Variants in RSRP1 observed in about 807,000 individuals in gnomAD.
The protein encoded by RSRP1 is arginine/serine-rich protein 1.
In RSRP1, 37 loss-of-function variants were observed where a neutral mutation model predicts 33.0. The observed-to-expected ratio is 1.12, with a 90% CI of 0.86 to 1.48. RSRP1 has a LOEUF of 1.48. Ranked by LOEUF, RSRP1 falls within the 40% of genes most tolerant of loss-of-function variation. The pLI is 0.00. For missense variants in RSRP1, 402 were observed against 385.3 expected, an observed-to-expected ratio of 1.04 and a Z score of -0.36; for synonymous variants, 167 against 158.7, an observed-to-expected ratio of 1.05 and a Z score of -0.40.
upstream of RSRP1, among the ~76,000 whole-genome samples, chr1:25,251,677 A>G (rs1223342751): frequency 6.6e-6 from 1 of 152,068 alleles, no homozygotes; most frequent in Admixed American, 6.6e-5. Context: ...CTCAAAGTTA[A>G]TATTTTTGTT....
rs72660911 is a variant in RSRP1 at position 25,296,614 on chromosome 1, C to G, written c.-67+41364G>C. On this transcript the variant is annotated intron_variant, in intron 1 of 1. Coordinates refer to the RSRP1 transcript ENST00000561867. ...ATCTCATCTCGAATTGTAATCCCCACGTGTTGAGGGCATGACCTCGTGGGA... is the reference window on the plus strand; with the variant it reads ...ATCTCATCTCGAATTGTAATCCCCAGGTGTTGAGGGCATGACCTCGTGGGA... Among the ~76,000 whole-genome samples, 21 of 131,498 alleles carry G rather than the reference C, an allele frequency of 1.6e-4. 4 individuals are homozygous for G. Among genetic ancestry groups the G allele is most frequent in the African/African-American group, 5.2e-4 (20 of 38,096 alleles). 86.3% of individuals were successfully genotyped at this position (131,498 alleles called of 152,430 possible).
intron 1 of RSRP1, among the ~76,000 whole-genome samples, chr1:25,295,853 T>G (rs1571646087): frequency 2.5e-5 from 1 of 40,240 alleles, no homozygotes; most frequent in Non-Finnish European, 7.9e-5. Flanking sequence ...ATGGGAAATT[T>G]TTTTTTTTTT....
Position 25,275,318 on chromosome 1 carries a change from G to C in RSRP1, c.-66-28289C>G, listed in dbSNP as rs916566986. ...AATAATAGTAATAAATAAAAATAAAGAGGGAAGCAGCGGGTGGCAGACTCA... is the reference window on the plus strand; with the variant it reads ...AATAATAGTAATAAATAAAAATAAACAGGGAAGCAGCGGGTGGCAGACTCA... On this transcript the variant is annotated intron_variant, in intron 1 of 1. Coordinates refer to the RSRP1 transcript ENST00000561867. Among the ~76,000 whole-genome samples, 12 of 131,800 alleles carry C rather than the reference G, an allele frequency of 9.1e-5. 5 individuals carry two copies. Among genetic ancestry groups the C allele is most frequent in the Admixed American group, 1.5e-4 (2 of 13,506 alleles). 86.5% of individuals were successfully genotyped at this position (131,800 alleles called of 152,430 possible).
At chr1:25,260,641 CA>C (rs1395807071) in intron 1 of RSRP1, among the ~76,000 whole-genome samples, 8 of 152,156 alleles carry the variant, frequency 5.3e-5, no homozygotes, top group Non-Finnish European at 1.0e-4. Flanking sequence ...ACTTAAACAA[CA>C]GAAATTTATT....
chr1:25,307,555 T>C (rs1643913340), intron 1 of RSRP1: 1 of 578,596 alleles, frequency 1.7e-6, no homozygotes, highest in African/African-American at 1.9e-5. Context: ...TAGAAACCAT[T>C]ATATGCATTA....
chr1:25,309,438 T>C (rs1190679841), intron 1 of RSRP1, among the ~76,000 whole-genome samples: 1 of 131,924 alleles, frequency 7.6e-6, no homozygotes, highest in Non-Finnish European at 1.8e-5. Context: ...GGAGAGATTT[T>C]AGCAACATTT....
chr1:25,286,037 G>T (rs1641957688), intron 1 of RSRP1, among the ~76,000 whole-genome samples: 1 of 135,310 alleles, frequency 7.4e-6, no homozygotes, highest in Non-Finnish European at 1.8e-5. Context: ...GAGAGGGCAA[G>T]GCACTTGCCT....
rs779674774 is a variant in RSRP1 at position 25,285,377 on chromosome 1, G to T, written c.-66-38348C>A. On this transcript the variant is annotated intron_variant, in intron 1 of 1. Transcript: ENST00000561867. ...TCAAACTCCTGACCTCAGGTGATCC[G>T]CCCGCCTCGGCCTCCCAAAGTGCTG... 6.7e-5 allele frequency among the ~76,000 whole-genome samples: 9 copies of T among 134,462 alleles called. No homozygotes were observed. In the East Asian group the frequency reaches 1.7e-3, roughly 26 times the overall value. The allele number at this position is 134,462 out of a possible 152,430, so 88.2% of individuals were successfully genotyped here.
chr1:25,336,516 G>C (rs1281137042), intron 1 of RSRP1: 1 of 146,984 alleles, frequency 6.8e-6, no homozygotes, highest in Non-Finnish European at 1.5e-5. Flanking sequence ...GACAAATTAA[G>C]CATGTATCTT....
intron 1 of RSRP1, among the ~76,000 whole-genome samples, chr1:25,313,377 A>G (rs1644270005): frequency 7.5e-6 from 1 of 132,616 alleles, no homozygotes; most frequent in African/African-American, 2.6e-5. Context: ...AGCAATAGAA[A>G]ATGAACTGAG....
chr1:25,306,860 T>G lies in RSRP1; in HGVS notation c.-67+31118A>C. ...TCAGTAGGCTTCGGTGAATATTTGT[T>G]GGCTGATTTATTCAGAAATTCTGTC... On this transcript the variant is annotated intron_variant, in intron 1 of 1. Coordinates refer to the RSRP1 transcript ENST00000561867. 5.4e-6 allele frequency: 5 copies of G among 924,316 alleles called. 1 individual carries two copies. Among genetic ancestry groups the G allele is most frequent in the Non-Finnish European group, 8.6e-6 (5 of 578,210 alleles). 57.3% of individuals were successfully genotyped at this position (924,316 alleles called of 1,614,324 possible). A position where few individuals can be genotyped will look rare whatever the true frequency, so the allele number is the denominator to read the frequency against.
At chr1:25,252,636 G>A (rs975735683) in intron 1 of RSRP1, among the ~76,000 whole-genome samples, 9 of 151,824 alleles carry the variant, frequency 5.9e-5, no homozygotes, top group African/African-American at 2.2e-4. Flanking sequence ...TGGGTTCAAG[G>A]GATTCTCCTG....
intron 1 of RSRP1, chr1:25,307,817 G>C (rs1643932240): frequency 7.7e-7 from 1 of 1,302,680 alleles, no homozygotes; most frequent in East Asian, 2.5e-5. Context: ...ATATCAGTGG[G>C]TGAGACATCC....
chr1:25,313,597 A>C (rs1369665192), intron 1 of RSRP1, among the ~76,000 whole-genome samples: 1 of 131,704 alleles, frequency 7.6e-6, no homozygotes, highest in African/African-American at 2.6e-5. Flanking sequence ...TTTGTTGTTC[A>C]CAGTTCCCCT....
At chr1:25,276,957 C>T (rs1313247538) in intron 1 of RSRP1, among the ~76,000 whole-genome samples, 1 of 131,012 alleles carries the variant, frequency 7.6e-6, no homozygotes, top group Non-Finnish European at 1.8e-5. Flanking sequence ...GTCCCAGCTA[C>T]TTGGGAGGCT....
rs112907722 is a variant in RSRP1, at chr1:25,301,685, A to T, written c.-67+36293T>A. 1.2e-4 allele frequency: 168 copies of T among 1,379,162 alleles called. 36 individuals carry two copies. The highest frequency in any genetic ancestry group is 6.3e-4 in the East Asian group (28 of 44,664). The allele number at this position is 1,379,162 out of a possible 1,614,324, so 85.4% of individuals were successfully genotyped here. A position where few individuals can be genotyped will look rare whatever the true frequency, so the allele number is the denominator to read the frequency against. On this transcript the variant is annotated intron_variant, in intron 1 of 1. Transcript: ENST00000561867. ...GCTCACCCCCAAGGGAAGATCAGCA[A>T]GGTGAGCAGGGCGCTGCCCTTGGGC...
In RSRP1 at chr1:25,318,362, T is replaced by G. The variant is rs1209998995; in HGVS notation, c.-67+19616A>C. On this transcript the variant is annotated intron_variant, in intron 1 of 1. Coordinates refer to the RSRP1 transcript ENST00000561867. Reference sequence around the variant, plus strand: ...CAGCACTTTGGGAGGCTGAGACAGGTAGATCACTTGAGGTCAGGAGTTCGA... The same window carrying G: ...CAGCACTTTGGGAGGCTGAGACAGGGAGATCACTTGAGGTCAGGAGTTCGA... 2.3e-5 allele frequency: 3 copies of G among 130,760 alleles called. 1 individual carries two copies. Among genetic ancestry groups the G allele is most frequent in the African/African-American group, 7.8e-5 (3 of 38,452 alleles). 8.1% of individuals were successfully genotyped at this position (130,760 alleles called of 1,614,324 possible). A position where few individuals can be genotyped will look rare whatever the true frequency, so the allele number is the denominator to read the frequency against.
upstream of RSRP1, among the ~76,000 whole-genome samples, chr1:25,250,086 AG>A (rs1322478086): frequency 6.6e-6 from 1 of 152,072 alleles, no homozygotes; most frequent in Non-Finnish European, 1.5e-5. Flanking sequence ...TAAATAGGGG[AG>A]GGGGGTTTAA....
Position 25,267,996 on chromosome 1 carries a change from G to A in RSRP1, c.-66-20967C>T, listed in dbSNP as rs1230233635. ...GTGTCCGCATGCGCGACTGAGCCGC[G>A]GGGGTGGTACTGCTGCATCCGGGTG... On this transcript the variant is annotated intron_variant, in intron 1 of 1. Transcript: ENST00000561867. 1.5e-5 allele frequency: 2 copies of A among 133,796 alleles called. 1 individual carries two copies. The highest frequency in any genetic ancestry group is 3.6e-5 in the Non-Finnish European group (2 of 56,298). 8.3% of individuals were successfully genotyped at this position (133,796 alleles called of 1,614,324 possible). A position where few individuals can be genotyped will look rare whatever the true frequency, so the allele number is the denominator to read the frequency against.
Sources: gnomAD v4.1 joint callset for allele counts (sites outside exome capture counted in the v4.1 genomes callset) on GRCh38, gnomAD v4.1.1 for gene constraint, MANE v1.5 for transcripts, NCBI Gene and HGNC (gene_info 2026-07-23, HGNC 2026-07-21) for gene names.